WDR7: variants seen among roughly 807,000 people sequenced by gnomAD.
The protein encoded by WDR7 is WD repeat domain 7.
Under a neutral mutation model 169.4 loss-of-function variants are expected in WDR7, and 46 were observed. The observed-to-expected ratio is 0.27, with a 90% CI of 0.21 to 0.35. WDR7 has a LOEUF of 0.35. Among genes scored for constraint, WDR7 ranks in the 10% least tolerant of loss-of-function variants. The pLI is 1.00. For synonymous variants in WDR7, 612 were observed against 666.8 expected (o/e 0.92, Z 1.27); for missense variants, 1,534 against 1,859.3 (o/e 0.83, Z 3.22).
intron 12 of WDR7, among the ~76,000 whole-genome samples, chr18:56,706,839 C>T (rs1183753221): frequency 6.6e-6 from 1 of 151,640 alleles, no homozygotes; most frequent in African/African-American, 2.4e-5. Flanking sequence ...TGGTGAATTC[C>T]ACCACACCCA....
chr18:56,962,328 A>G (rs555764404), intron 25 of WDR7, 102 bp from the exon 26 acceptor site: 3 of 684,990 alleles, frequency 4.4e-6, no homozygotes, highest in Admixed American at 2.5e-5. Flanking sequence ...AATATATATC[A>G]GAGCTGGCTT....
intron 1 of WDR7, 147 bp downstream of exon 1, chr18:56,651,723 C>A (rs1461171999): frequency 6.6e-6 from 1 of 152,434 alleles, no homozygotes; most frequent in African/African-American, 2.4e-5. Flanking sequence ...TGCAAGCCTG[C>A]AGGTCGGGCC....
rs554115296 is a variant in WDR7, at chr18:57,020,866, C to T, written c.4269+17C>T. ...TTTTGGCAGGTAAGAGTAGATGCTC[C>T]AGGGTCTTAAAGCATATACTGCGTG... On this transcript the variant is annotated intron_variant, in intron 27 of 27. Coordinates refer to ENST00000254442, the MANE Select transcript of WDR7 (RefSeq NM_015285.3). 110 of 1,611,086 alleles carry T rather than the reference C, an allele frequency of 6.8e-5. No individual in the cohort carries two copies. The South Asian group carries it at 1.2e-3, about 18-fold the overall frequency.
chr18:56,887,038 T>C (rs148745249), intron 21 of WDR7, among the ~76,000 whole-genome samples: 145 of 152,244 alleles, frequency 9.5e-4, no homozygotes, highest in Non-Finnish European at 1.8e-3. Context: ...ACTTCAGTAC[T>C]CCACTAACTG....
intron 13 of WDR7, among the ~76,000 whole-genome samples, chr18:56,722,860 C>G (rs1282033660): frequency 2.0e-5 from 3 of 152,032 alleles, no homozygotes; most frequent in Non-Finnish European, 4.4e-5. Flanking sequence ...CATATTTTTC[C>G]ATACCTAGGC....
chr18:56,731,014 A>T (rs1446556849), intron 13 of WDR7, among the ~76,000 whole-genome samples: 4 of 152,222 alleles, frequency 2.6e-5, no homozygotes, highest in Admixed American at 6.5e-5. Context: ...TTTAAGATTG[A>T]TATACAACTT....
rs17090394 is a variant in WDR7 at position 56,865,296 on chromosome 18, C to T, written c.3305-14648C>T. On this transcript the variant is annotated intron_variant, in intron 20 of 27. Coordinates refer to ENST00000254442, the MANE Select transcript of WDR7 (RefSeq NM_015285.3). ...ATACTGCAAAGCCTATTTCTCAAAG[C>T]TTCAGACAGGTTTATTTGGTCTCAC... Among the ~76,000 whole-genome samples, 1,435 of 152,160 alleles carry T rather than the reference C, an allele frequency of 9.4e-3. 25 individuals are homozygous for T. The highest frequency in any genetic ancestry group is 0.033 in the African/African-American group (1,352 of 41,546).
chr18:56,775,333 A>G (rs914035479), intron 16 of WDR7, among the ~76,000 whole-genome samples: 1 of 152,062 alleles, frequency 6.6e-6, no homozygotes, highest in Non-Finnish European at 1.5e-5. Context: ...AAACCTGCAA[A>G]TTTACTCCTG....
intron 25 of WDR7, among the ~76,000 whole-genome samples, chr18:56,961,016 AG>A (rs2047331518): frequency 1.3e-5 from 2 of 152,034 alleles, no homozygotes; most frequent in South Asian, 4.1e-4. Context: ...CTTCCACTAA[AG>A]GGGAGGAGGT....
chr18:56,855,463 C>T (rs1173816160), intron 20 of WDR7, among the ~76,000 whole-genome samples: 2 of 151,978 alleles, frequency 1.3e-5, no homozygotes, highest in African/African-American at 4.8e-5. Flanking sequence ...GAAATTCTTC[C>T]TTATGCCATC....
At chr18:56,659,199 G>A (rs1490789602) in intron 1 of WDR7, among the ~76,000 whole-genome samples, 1 of 121,938 alleles carries the variant, frequency 8.2e-6, no homozygotes, top group African/African-American at 2.9e-5. Flanking sequence ...AAAACAATAT[G>A]TTAATGACAT....
At chr18:56,708,766 G>C (rs3095774) in intron 12 of WDR7, among the ~76,000 whole-genome samples, 139,897 of 152,200 alleles carry the variant, frequency 0.92, 65,427 homozygotes, top group East Asian at 1. Flanking sequence ...GAAACCCCGT[G>C]TTTACTAAAA....
At chr18:56,742,740 A>G (rs17682902) in intron 14 of WDR7, among the ~76,000 whole-genome samples, 4,635 of 152,248 alleles carry the variant, frequency 0.03, 103 homozygotes, top group Non-Finnish European at 0.047. Context: ...AGGAGGTGAC[A>G]TTCAAGGATG....
At chr18:56,849,978 C>G (rs1023320128) in intron 20 of WDR7, among the ~76,000 whole-genome samples, 2 of 152,184 alleles carry the variant, frequency 1.3e-5, no homozygotes, top group East Asian at 3.8e-4. Flanking sequence ...TTCACATTCA[C>G]CATGACACAG....
chr18:56,941,289 CATAATA>C (rs58883266), intron 25 of WDR7, among the ~76,000 whole-genome samples: 18,013 of 150,930 alleles, frequency 0.12, 3,414 homozygotes, highest in African/African-American at 0.4. Context: ...AAGGAGAAGG[CATAATA>C]ATAATAATAA....
chr18:57,031,390 G>C (rs1225954811), downstream of WDR7: 1 of 152,130 alleles, frequency 6.6e-6, no homozygotes, highest in Non-Finnish European at 1.5e-5. Context: ...AGCAAGATTA[G>C]AGCCATTCAT....
intron 22 of WDR7, among the ~76,000 whole-genome samples, chr18:56,924,465 G>A (rs1473888468): frequency 6.6e-6 from 1 of 152,126 alleles, no homozygotes; most frequent in African/African-American, 2.4e-5. Context: ...GCCAGCATAC[G>A]TGGCCAAATT....
rs765875979 is a variant in WDR7, at chr18:57,027,295, C to T, written c.*88C>T. 328 of 1,482,416 alleles carry T rather than the reference C, an allele frequency of 2.2e-4. No individual in the cohort carries two copies. The highest frequency in any genetic ancestry group is 2.9e-4 in the Non-Finnish European group (319 of 1,108,034). The allele number at this position is 1,482,416 out of a possible 1,614,324, so 91.8% of individuals were successfully genotyped here. ...TGTCCTTCCTCACACCAGATTGTTCCCAGGGGCCTGCCCACCCCAGTGCCA... is the reference window on the plus strand; with the variant it reads ...TGTCCTTCCTCACACCAGATTGTTCTCAGGGGCCTGCCCACCCCAGTGCCA... On this transcript the variant is annotated 3_prime_UTR_variant, in exon 28 of 28. Transcript: ENST00000254442.
At chr18:56,999,761 CAG>C (rs1157548892) in intron 26 of WDR7, among the ~76,000 whole-genome samples, 1 of 152,082 alleles carries the variant, frequency 6.6e-6, no homozygotes, top group Non-Finnish European at 1.5e-5. Flanking sequence ...ACCAAGGAGA[CAG>C]GAGGAAGGAT....
Sources: allele counts gnomAD v4.1 joint callset (sites outside exome capture counted in the v4.1 genomes callset), GRCh38; gene constraint gnomAD v4.1.1; transcripts MANE v1.5; gene names NCBI Gene and HGNC (gene_info 2026-07-23, HGNC 2026-07-21).